The following C3orf49 variants were observed in gnomAD, a reference collection of about 807,000 sequenced individuals.
The protein encoded by C3orf49 is chromosome 3 open reading frame 49, also known as putative uncharacterized protein C3orf49.
Under a neutral mutation model 13.3 loss-of-function variants are expected in C3orf49, and 27 were observed. That is an observed-to-expected ratio of 2.02 (90% CI 1.49 to 2.79). C3orf49 has a LOEUF of 2.79. Among genes scored for constraint, C3orf49 ranks in the 30% most tolerant of loss-of-function variants. The pLI is 0.00. For missense variants in C3orf49, 242 were observed against 134.2 expected (o/e 1.80, Z -3.97); for synonymous variants, 87 against 47.6 (o/e 1.83, Z -3.40).
At chr3:63,816,769 CTTTTTT>C (rs543894356), upstream of C3orf49, among the ~76,000 whole-genome samples, 1 of 97,170 alleles carries the variant, frequency 1.0e-5, no homozygotes, top group Non-Finnish European at 1.8e-5. Context: ...CTTTTCTTTT[CTTTTTT>C]TTTTTTTTTT....
chr3:63,807,531 C>T, the C3orf49 span, among the ~76,000 whole-genome samples: 1 of 151,990 alleles, frequency 6.6e-6, no homozygotes, highest in African/African-American at 2.4e-5. Context: ...TTTCATGATT[C>T]AGGATGAACT....
chr3:63,836,181 T>G (rs959511146), intron 5 of C3orf49: 4 of 861,748 alleles, frequency 4.6e-6, no homozygotes, highest in Admixed American at 2.7e-5. Context: ...AATATAATAT[T>G]GAATATCTGA....
chr3:63,798,106 G>C, the C3orf49 span, among the ~76,000 whole-genome samples: 1 of 152,072 alleles, frequency 6.6e-6, no homozygotes, highest in African/African-American at 2.4e-5. Context: ...CAAATAATTG[G>C]AACAAATTTG....
At chr3:63,835,297 A>C (rs772674423) in intron 5 of C3orf49, 1 of 1,613,278 alleles carries the variant, frequency 6.2e-7, no homozygotes, top group South Asian at 1.1e-5. Flanking sequence ...TAGACAGATC[A>C]TGAAGGCTAA....
the C3orf49 span, among the ~76,000 whole-genome samples, chr3:63,803,310 T>C: frequency 1.3e-5 from 2 of 152,318 alleles, no homozygotes; most frequent in East Asian, 1.9e-4. Flanking sequence ...CTTCAGCCCA[T>C]GGCTTGGATA....
At chr3:63,808,643 G>T in the C3orf49 span, among the ~76,000 whole-genome samples, 1 of 152,176 alleles carries the variant, frequency 6.6e-6, no homozygotes, top group South Asian at 2.1e-4. Context: ...AGGTCCTATT[G>T]CCTCTTCATT....
chr3:63,805,178 C>T, the C3orf49 span: 1 of 152,134 alleles, frequency 6.6e-6, no homozygotes, highest in Non-Finnish European at 1.5e-5. Context: ...TATTCAGAGG[C>T]ATTTTCCAGA....
chr3:63,830,812 A>G (rs1559600139), intron 3 of C3orf49, among the ~76,000 whole-genome samples: 1 of 152,086 alleles, frequency 6.6e-6, no homozygotes, highest in Non-Finnish European at 1.5e-5. Context: ...TGCAGAGGCA[A>G]TTTCTTCTTC....
At chr3:63,805,413 G>C in the C3orf49 span, among the ~76,000 whole-genome samples, 3,186 of 152,182 alleles carry the variant, frequency 0.021, 64 homozygotes, top group South Asian at 0.076. Flanking sequence ...AGTTGGCTTG[G>C]TAGGGTCATC....
intron 6 of C3orf49, chr3:63,846,300 T>C: frequency 2.6e-6 from 1 of 391,396 alleles, no homozygotes; most frequent in South Asian, 1.9e-5. Flanking sequence ...TTGCACTCCC[T>C]GGACAAAAAT....
rs1701555684 is a variant in C3orf49 at position 63,833,092 on chromosome 3, A to G, written c.849+1248A>G. Among the ~76,000 whole-genome samples, 5 of 151,658 alleles carry G rather than the reference A, an allele frequency of 3.3e-5. No homozygotes were observed. In the South Asian group the frequency reaches 1.0e-3, roughly 32 times the overall value. On this transcript the variant is annotated intron_variant, in intron 5 of 6. Transcript: ENST00000295896. ...AAAGATTATAAATTCTTTATGCAAG[A>G]CAATCTTTTTTTTTTTTTTTTTAGA...
At chr3:63,786,064 A>G in the C3orf49 span, 1 of 152,186 alleles carries the variant, frequency 6.6e-6, no homozygotes, top group Non-Finnish European at 1.5e-5. Flanking sequence ...CTCCGGGGAA[A>G]TGAAGTACTG....
chr3:63,829,430 G>A (rs934021806), intron 3 of C3orf49, among the ~76,000 whole-genome samples: 6 of 152,258 alleles, frequency 3.9e-5, no homozygotes, highest in South Asian at 4.1e-4. Flanking sequence ...TTTCTGTTCA[G>A]TTATAGATTT....
At chr3:63,791,095 C>T in the C3orf49 span, among the ~76,000 whole-genome samples, 1 of 152,028 alleles carries the variant, frequency 6.6e-6, no homozygotes, top group Non-Finnish European at 1.5e-5. Context: ...CAAGAAACAC[C>T]CAAAGGCAGC....
chr3:63,817,028 C>G (rs1701332414), upstream of C3orf49, among the ~76,000 whole-genome samples: 1 of 152,070 alleles, frequency 6.6e-6, no homozygotes, highest in African/African-American at 2.4e-5. Context: ...CCCACCTCGG[C>G]CTCCCAAAGT....
the C3orf49 span, among the ~76,000 whole-genome samples, chr3:63,794,337 CA>C: frequency 6.6e-6 from 1 of 151,868 alleles, no homozygotes; most frequent in Non-Finnish European, 1.5e-5. Flanking sequence ...GCCTGGATGC[CA>C]TCACTTCAAC....
intron 3 of C3orf49, among the ~76,000 whole-genome samples, chr3:63,829,786 C>A (rs756929579): frequency 4.0e-5 from 6 of 151,794 alleles, no homozygotes; most frequent in Non-Finnish European, 2.9e-5. Flanking sequence ...CATGGCAAAA[C>A]CCCATCTCTA....
intron 1 of C3orf49, among the ~76,000 whole-genome samples, chr3:63,820,646 T>C (rs1559597927): frequency 6.6e-6 from 1 of 152,206 alleles, no homozygotes; most frequent in Non-Finnish European, 1.5e-5. Context: ...TGTGTGTACA[T>C]GTTTATAGTA....
Position 63,819,606 on chromosome 3 carries a change from A to G in C3orf49, c.125+10A>G, listed in dbSNP as rs747850495. ...GGAAGGGGATAGAAAGGTAACAGAG[A>G]TTCATTTCCTTTTCTGTCAAATGAG... is the stretch of plus-strand genomic sequence containing the variant. On this transcript the variant is annotated intron_variant, in intron 1 of 6. Transcript: ENST00000295896. 2.3e-5 allele frequency: 16 copies of G among 703,244 alleles called. No homozygotes were observed. The Middle Eastern group carries it at 6.9e-4, about 30-fold the overall frequency. 43.6% of individuals were successfully genotyped at this position (703,244 alleles called of 1,614,324 possible). A position where few individuals can be genotyped will look rare whatever the true frequency, so the allele number is the denominator to read the frequency against.
Sources: allele counts gnomAD v4.1 joint callset (sites outside exome capture counted in the v4.1 genomes callset), GRCh38; gene constraint gnomAD v4.1.1; transcripts MANE v1.5; gene names NCBI Gene and HGNC (gene_info 2026-07-23, HGNC 2026-07-21).